Variants in SLC4A10 observed in about 807,000 individuals in gnomAD.
SLC4A10 encodes sodium-driven chloride bicarbonate exchanger.
In SLC4A10, 42 loss-of-function variants were observed where a neutral mutation model predicts 137.7. The observed-to-expected ratio is 0.30, with a 90% CI of 0.24 to 0.39. SLC4A10 has a LOEUF of 0.39. Among genes scored for constraint, SLC4A10 ranks in the 10% least tolerant of loss-of-function variants. The pLI, the probability that SLC4A10 is intolerant of heterozygous loss-of-function variation, is 1.00. For missense variants in SLC4A10, 925 were observed against 1,355.0 expected, an observed-to-expected ratio of 0.68 and a Z score of 4.98; for synonymous variants, 474 against 464.1, an observed-to-expected ratio of 1.02 and a Z score of -0.27.
At chr2:161,670,358 A>G (rs1260367251) in intron 1 of SLC4A10, among the ~76,000 whole-genome samples, 1 of 147,382 alleles carries the variant, frequency 6.8e-6, no homozygotes, top group South Asian at 2.1e-4. Flanking sequence ...TAGGCATTGG[A>G]TATAAGGGGA....
chr2:161,667,377 A>T (rs1305642610), intron 1 of SLC4A10, among the ~76,000 whole-genome samples: 2 of 151,660 alleles, frequency 1.3e-5, no homozygotes, highest in Non-Finnish European at 3.0e-5. Flanking sequence ...AAGGGCTTAG[A>T]CTCTAGTGGG....
intron 15 of SLC4A10, among the ~76,000 whole-genome samples, chr2:161,921,065 A>C (rs1045184396): frequency 6.6e-6 from 1 of 152,240 alleles, no homozygotes; most frequent in Non-Finnish European, 1.5e-5. Flanking sequence ...TATAACAAGC[A>C]CTATACAAGG....
At chr2:161,754,786 C>G (rs552120885) in intron 1 of SLC4A10, among the ~76,000 whole-genome samples, 2 of 152,210 alleles carry the variant, frequency 1.3e-5, no homozygotes, top group Non-Finnish European at 1.5e-5. Flanking sequence ...TATATACTTT[C>G]ATGCATATAA....
At chr2:161,651,714 G>C (rs1439027556) in intron 1 of SLC4A10, among the ~76,000 whole-genome samples, 2 of 152,224 alleles carry the variant, frequency 1.3e-5, no homozygotes, top group African/African-American at 4.8e-5. Flanking sequence ...TTGTGCCGGC[G>C]CCTGGAGCTG....
chr2:161,955,052 C>G (rs757981449), intron 19 of SLC4A10, among the ~76,000 whole-genome samples: 14 of 152,172 alleles, frequency 9.2e-5, no homozygotes, highest in Non-Finnish European at 5.9e-5. Flanking sequence ...CCTCTTCCAT[C>G]TTTTGATTTC....
At chr2:161,691,089 C>T (rs1381275671) in intron 1 of SLC4A10, among the ~76,000 whole-genome samples, 1 of 151,896 alleles carries the variant, frequency 6.6e-6, no homozygotes, top group Non-Finnish European at 1.5e-5. Flanking sequence ...TTGAATTGTG[C>T]TTTAATTTCT....
chr2:161,661,510 T>C (rs1465023646), intron 1 of SLC4A10, among the ~76,000 whole-genome samples: 1 of 152,234 alleles, frequency 6.6e-6, no homozygotes, highest in Admixed American at 6.5e-5. Context: ...AATGACAGTA[T>C]TGAAACTGAA....
At chr2:161,682,518 G>A (rs1023292250) in intron 1 of SLC4A10, among the ~76,000 whole-genome samples, 8 of 152,062 alleles carry the variant, frequency 5.3e-5, no homozygotes, top group South Asian at 2.1e-4. Context: ...AATTTTACAG[G>A]ATTTGAGTTC....
At chr2:161,944,537 T>C (rs1000679472) in intron 16 of SLC4A10, among the ~76,000 whole-genome samples, 1 of 151,778 alleles carries the variant, frequency 6.6e-6, no homozygotes, top group Non-Finnish European at 1.5e-5. Flanking sequence ...TCAAGTAGAA[T>C]AGTGAAAAAT....
intron 6 of SLC4A10, among the ~76,000 whole-genome samples, chr2:161,867,792 A>G (rs2060854943): frequency 6.6e-6 from 1 of 151,976 alleles, no homozygotes; most frequent in Non-Finnish European, 1.5e-5. Context: ...CCATGAATAA[A>G]TGTATTGTTA....
At chr2:161,718,957 G>A (rs2045286732) in intron 1 of SLC4A10, among the ~76,000 whole-genome samples, 1 of 151,952 alleles carries the variant, frequency 6.6e-6, no homozygotes, top group Non-Finnish European at 1.5e-5. Context: ...CAATGTGCAG[G>A]ATAGTTACAT....
intron 2 of SLC4A10, among the ~76,000 whole-genome samples, chr2:161,787,620 T>A (rs2053770817): frequency 6.6e-6 from 1 of 152,174 alleles, no homozygotes; most frequent in Non-Finnish European, 1.5e-5. Context: ...ATTTTTAAAA[T>A]GCTTTTCTAT....
chr2:161,824,816 G>A (rs1250933034), intron 3 of SLC4A10, among the ~76,000 whole-genome samples: 5 of 152,088 alleles, frequency 3.3e-5, no homozygotes, highest in Admixed American at 1.3e-4. Context: ...ATGAAAAAGC[G>A]AAAAGGTCAG....
chr2:161,896,919 T>C (rs1338195484), intron 11 of SLC4A10, among the ~76,000 whole-genome samples: 1 of 152,068 alleles, frequency 6.6e-6, no homozygotes, highest in Non-Finnish European at 1.5e-5. Context: ...CAACATTAAA[T>C]ATGGCCTAAG....
chr2:161,720,205 A>T (rs1291801686), intron 1 of SLC4A10, among the ~76,000 whole-genome samples: 1 of 152,166 alleles, frequency 6.6e-6, no homozygotes, highest in Non-Finnish European at 1.5e-5. Context: ...AGATAGTTGT[A>T]GATATGCAGT....
chr2:161,794,698 C>T (rs2054568849), intron 2 of SLC4A10, among the ~76,000 whole-genome samples: 1 of 152,130 alleles, frequency 6.6e-6, no homozygotes, highest in Non-Finnish European at 1.5e-5. Context: ...CATGAGGCAG[C>T]GACGTTCTAA....
At chr2:161,653,813 C>T (rs1049066013) in intron 1 of SLC4A10, among the ~76,000 whole-genome samples, 23 of 152,174 alleles carry the variant, frequency 1.5e-4, no homozygotes, top group South Asian at 6.2e-4. Flanking sequence ...AGATTGATTC[C>T]GCATCATGGA....
chr2:161,789,736 GA>G (rs1445094615), intron 2 of SLC4A10, among the ~76,000 whole-genome samples: 1 of 152,122 alleles, frequency 6.6e-6, no homozygotes, highest in Non-Finnish European at 1.5e-5. Flanking sequence ...TCTACTTCTG[GA>G]AATCAATGTT....
chr2:161,672,416 A>G lies in SLC4A10; in HGVS notation c.48+47850A>G, dbSNP rs569412684. Among the ~76,000 whole-genome samples the G allele has an allele frequency of 9.2e-5, 14 of 152,218 alleles. No individual in the cohort carries two copies. The South Asian group carries it at 2.9e-3, about 32-fold the overall frequency. On this transcript the variant is annotated intron_variant, in intron 1 of 26. Coordinates refer to ENST00000446997, the MANE Select transcript of SLC4A10 (RefSeq NM_001178015.2). ...TCCTGCCTCCTGACTTTTTCAAATT[A>G]GAGACCATATTGGGAGGCTGAGGTG...
Sources: allele counts gnomAD v4.1 joint callset (sites outside exome capture counted in the v4.1 genomes callset), GRCh38; gene constraint gnomAD v4.1.1; transcripts MANE v1.5; gene names NCBI Gene and HGNC (gene_info 2026-07-23, HGNC 2026-07-21).